L3MBTL4: variants seen among roughly 807,000 people sequenced by gnomAD.
L3MBTL4 encodes the protein lethal(3)malignant brain tumor-like protein 4.
In L3MBTL4, 70 loss-of-function variants were observed where a neutral mutation model predicts 84.5. That is an observed-to-expected ratio of 0.83 (90% CI 0.68 to 1.01). The LOEUF is 1.01. Ranked by LOEUF, L3MBTL4 falls within the 50% of genes least tolerant of loss-of-function variation. The pLI is 0.00. For missense variants in L3MBTL4, 715 were observed against 754.8 expected (o/e 0.95, Z 0.62); for synonymous variants, 274 against 259.8 (o/e 1.05, Z -0.52).
intron 12 of L3MBTL4, among the ~76,000 whole-genome samples, chr18:6,195,078 G>A (rs1451512237): frequency 6.6e-6 from 1 of 152,132 alleles, no homozygotes; most frequent in Non-Finnish European, 1.5e-5. Flanking sequence ...CTAACTAATG[G>A]GTGTAATGTA....
intron 16 of L3MBTL4, among the ~76,000 whole-genome samples, chr18:5,998,190 C>T (rs745716970): frequency 6.6e-6 from 1 of 152,186 alleles, no homozygotes; most frequent in Non-Finnish European, 1.5e-5. Context: ...ATGGCCGATG[C>T]TGCATCCTAA....
At chr18:6,034,417 G>A (rs560929787) in intron 16 of L3MBTL4, among the ~76,000 whole-genome samples, 22 of 151,888 alleles carry the variant, frequency 1.4e-4, no homozygotes, top group Non-Finnish European at 2.8e-4. Context: ...TTGTTCTTGT[G>A]ATAGTTTACT....
At chr18:6,059,515 A>G (rs753200737) in intron 16 of L3MBTL4, among the ~76,000 whole-genome samples, 8 of 152,128 alleles carry the variant, frequency 5.3e-5, no homozygotes, top group Non-Finnish European at 1.0e-4. Flanking sequence ...TGGCTTTCTC[A>G]TTTTCATGTA....
Position 6,139,183 on chromosome 18 carries a change from T to C in L3MBTL4, c.1097-887A>G, listed in dbSNP as rs145471752. Among the ~76,000 whole-genome samples, 683 of 152,266 alleles carry C rather than the reference T, an allele frequency of 4.5e-3. 20 individuals carry two copies. Among genetic ancestry groups the C allele is most frequent in the Admixed American group, 0.037 (568 of 15,292 alleles). On this transcript the variant is annotated intron_variant, in intron 13 of 18. Coordinates refer to ENST00000317931, the MANE Select transcript of L3MBTL4 (RefSeq NM_001330559.2). ...CTACACTGTACTATATGCTACATCATACACTATACTGTACCATACACTACA... is the reference window on the plus strand; with the variant it reads ...CTACACTGTACTATATGCTACATCACACACTATACTGTACCATACACTACA...
intron 16 of L3MBTL4, among the ~76,000 whole-genome samples, chr18:5,972,922 T>C (rs201631601): frequency 2.0e-4 from 6 of 29,306 alleles, no homozygotes; most frequent in African/African-American, 1.0e-3. Flanking sequence ...TAGAATAGAA[T>C]AGAATAGAAT....
At chr18:6,160,107 T>C (rs892142184) in intron 13 of L3MBTL4, among the ~76,000 whole-genome samples, 1 of 152,162 alleles carries the variant, frequency 6.6e-6, no homozygotes, top group Non-Finnish European at 1.5e-5. Context: ...GCACATTCCA[T>C]CCTGGAGCCT....
chr18:6,294,962 A>C (rs891910163), intron 4 of L3MBTL4, among the ~76,000 whole-genome samples: 1 of 152,144 alleles, frequency 6.6e-6, no homozygotes, highest in Non-Finnish European at 1.5e-5. Context: ...CCGGCACATA[A>C]AAACTGTTTT....
intron 1 of L3MBTL4, among the ~76,000 whole-genome samples, chr18:6,341,117 C>T (rs566716750): frequency 6.6e-6 from 1 of 152,198 alleles, no homozygotes; most frequent in Admixed American, 6.5e-5. Context: ...GACAAGCTCA[C>T]TGGTGAAGGT....
At chr18:6,377,698 A>T (rs1037934125) in intron 1 of L3MBTL4, among the ~76,000 whole-genome samples, 1 of 152,196 alleles carries the variant, frequency 6.6e-6, no homozygotes, top group Non-Finnish European at 1.5e-5. Context: ...TATATGTGCC[A>T]TATTTTCTTT....
chr18:6,333,838 A>G (rs2052180124), intron 1 of L3MBTL4, among the ~76,000 whole-genome samples: 1 of 152,190 alleles, frequency 6.6e-6, no homozygotes, highest in African/African-American at 2.4e-5. Context: ...ACCCTCAAAT[A>G]TCAAATATTA....
At chr18:6,315,363 G>C (rs1421616907) in intron 1 of L3MBTL4, among the ~76,000 whole-genome samples, 1 of 152,142 alleles carries the variant, frequency 6.6e-6, no homozygotes, top group Non-Finnish European at 1.5e-5. Context: ...AATGCATTTT[G>C]ATAACTTATG....
At chr18:6,084,880 C>T (rs2058207794) in intron 15 of L3MBTL4, among the ~76,000 whole-genome samples, 2 of 152,164 alleles carry the variant, frequency 1.3e-5, no homozygotes, top group Admixed American at 1.3e-4. Context: ...GAGAGGGCCA[C>T]TGCAGGTGGA....
chr18:6,407,499 A>G (rs2055785390), intron 1 of L3MBTL4, among the ~76,000 whole-genome samples: 1 of 152,230 alleles, frequency 6.6e-6, no homozygotes, highest in Admixed American at 6.5e-5. Flanking sequence ...TTATGATATC[A>G]AAGGCCAAGA....
At chr18:6,058,284 C>T (rs183269831) in intron 16 of L3MBTL4, among the ~76,000 whole-genome samples, 13 of 152,314 alleles carry the variant, frequency 8.5e-5, no homozygotes, top group Admixed American at 6.5e-4. Context: ...AGGAATTCCA[C>T]GGCCTCATTC....
intron 12 of L3MBTL4, among the ~76,000 whole-genome samples, chr18:6,202,940 G>A (rs71360022): frequency 0.011 from 1,663 of 152,282 alleles, 23 homozygotes; most frequent in Non-Finnish European, 0.018. Context: ...TGAAAACCAA[G>A]GGAATGGATG....
At chr18:6,171,688 G>T (rs2043977838) in intron 13 of L3MBTL4, 140 bp downstream of exon 13, 1 of 466,128 alleles carries the variant, frequency 2.1e-6, no homozygotes, top group Admixed American at 4.1e-5. Context: ...TAAATAATCG[G>T]CTTTCAGTGT....
At chr18:6,176,748 G>C (rs1222749566) in intron 12 of L3MBTL4, among the ~76,000 whole-genome samples, 1 of 151,728 alleles carries the variant, frequency 6.6e-6, no homozygotes, top group East Asian at 1.9e-4. Context: ...AAATCACCAA[G>C]AAAAATATGA....
chr18:6,053,568 T>C (rs185780181), intron 16 of L3MBTL4, among the ~76,000 whole-genome samples: 3 of 152,340 alleles, frequency 2.0e-5, no homozygotes, highest in African/African-American at 7.2e-5. Flanking sequence ...ATTAATGGCC[T>C]GTTCACTAAT....
chr18:6,360,241 G>A (rs1474969460), intron 1 of L3MBTL4, among the ~76,000 whole-genome samples: 1 of 152,144 alleles, frequency 6.6e-6, no homozygotes, highest in Non-Finnish European at 1.5e-5. Context: ...GTGTGGAGGT[G>A]TGCACTGTAG....
Sources: gnomAD v4.1 joint callset for allele counts (sites outside exome capture counted in the v4.1 genomes callset) on GRCh38, gnomAD v4.1.1 for gene constraint, MANE v1.5 for transcripts, NCBI Gene and HGNC (gene_info 2026-07-23, HGNC 2026-07-21) for gene names.